ITLN2: variants seen among roughly 807,000 people sequenced by gnomAD.
ITLN2 encodes intelectin 2.
In ITLN2, 29 loss-of-function variants were observed where a neutral mutation model predicts 39.4. The observed-to-expected ratio is 0.74, with a 90% CI of 0.55 to 1.00. The LOEUF (loss-of-function observed/expected upper bound fraction) is 1.00, where lower values mean the gene tolerates loss of function less well. ITLN2 is among the 50% of genes least tolerant of loss of function. ITLN2 has a pLI of 0.00. For synonymous variants in ITLN2, 156 were observed against 153.4 expected, an observed-to-expected ratio of 1.02 and a Z score of -0.12; for missense variants, 412 against 416.7, an observed-to-expected ratio of 0.99 and a Z score of 0.10.
intron 7 of ITLN2, among the ~76,000 whole-genome samples, chr1:160,947,041 G>A (rs958649083): frequency 6.6e-6 from 1 of 152,156 alleles, no homozygotes; most frequent in Non-Finnish European, 1.5e-5. Flanking sequence ...GTATACGGAG[G>A]ACCTGCTCCG....
At position 160,950,077 on chromosome 1, in the gene ITLN2, C is replaced by A; in HGVS notation, c.690G>T (p.Lys230Asn). 1.2e-6 allele frequency: 2 copies of A among 1,613,960 alleles called. No individual in the cohort carries two copies. The highest frequency in any genetic ancestry group is 1.7e-6 in the Non-Finnish European group (2 of 1,179,852). Residue 230 changes from lysine (K) to asparagine (N), a missense_variant, in exon 6 of 8, where the codon AAG becomes AAT. Lys to Asn is a moderately conservative substitution (Grantham distance 94, BLOSUM62 0). Transcript: ENST00000368029. ...CATACGGTGAGTAATAAGATGCAGT[C>A]TTCTTAGCATCACCAAAGTCATAGA... ...PVVYDFGDAK[K>N]TASYYSPYGQ...
At position 160,950,664 on chromosome 1, in the gene ITLN2, A is replaced by G. The variant is rs926373965; in HGVS notation, c.489T>C (p.His163=). The change falls in exon 5 of 8, where the codon CAT becomes CAC. Residue 163 remains histidine, a synonymous_variant. Coordinates refer to ENST00000368029, the MANE Select transcript of ITLN2 (RefSeq NM_080878.3). The stretch of plus-strand genomic sequence containing the variant: ...GCTGCATGGGGGACTTGTTGGGCAC[A>G]TGCCAGATGCCCAGGTCCTTGGCCT... The part of the protein sequence containing the change: ...DIQAKDLGIW[H]VPNKSPMQHW... The G allele has an allele frequency of 6.2e-6, 10 of 1,614,066 alleles. No individual in the cohort carries two copies. The highest frequency in any genetic ancestry group is 1.3e-5 in the African/African-American group (1 of 74,942).
chr1:160,952,678 G>A lies in ITLN2; in HGVS notation c.135C>T (p.Ser45=). 6.2e-7 allele frequency: 1 copy of A among 1,614,170 alleles called. No individual in the cohort carries two copies. ...LSREFETCAF[S]FSSLPRSCKE... is the part of the protein sequence containing the mutation. ...TGCAGCTTCTAGGCAGGGAAGAAAA[G>A]GAGAAGGCACAGGTTTCGAATTCCC... Residue 45 remains serine, a synonymous_variant, in exon 3 of 8, where the codon TCC becomes TCT. Coordinates refer to ENST00000368029, the MANE Select transcript of ITLN2 (RefSeq NM_080878.3).
intron 2 of ITLN2, 77 bp from the exon 3 acceptor site, chr1:160,952,810 A>T: frequency 9.8e-7 from 1 of 1,022,254 alleles, no homozygotes. Flanking sequence ...CTGCCCCTGT[A>T]TCAACTCATC....
At chr1:160,953,940 T>C (rs931367797) in intron 2 of ITLN2, among the ~76,000 whole-genome samples, 1 of 152,174 alleles carries the variant, frequency 6.6e-6, no homozygotes, top group African/African-American at 2.4e-5. Context: ...AATATCACTA[T>C]TGTGCCTACT....
intron 3 of ITLN2, among the ~76,000 whole-genome samples, chr1:160,952,119 C>T (rs1671758936): frequency 6.6e-6 from 1 of 152,180 alleles, no homozygotes; most frequent in South Asian, 2.1e-4. Context: ...TTTTGCCGAT[C>T]TTGAACTTGC....
rs115886527 is a variant in ITLN2, at chr1:160,951,152, C to T, written c.332G>A (p.Arg111His). The change falls in exon 4 of 8, where the codon CGC (arginine) becomes CAC (histidine). Residue 111 changes from arginine (R) to histidine (H), a missense_variant. Transcript: ENST00000368029. ...TTTGTTGCCCTGCTGACTGGACCAG[C>T]GATCACCCACCGTGCACTTCCCACG... ...DMRGKCTVGD[R>H]WSSQQGNKAD... The T allele has an allele frequency of 3.8e-5, 62 of 1,614,168 alleles. No homozygotes were observed. The African/African-American group carries it at 4.7e-4, about 12-fold the overall frequency.
At position 160,945,164 on chromosome 1, in the gene ITLN2, C is replaced by A; in HGVS notation, c.954G>T (p.Ala318=). The part of the protein sequence containing the change: ...KSSCSREITE[A]AVLLFYR ...CTCATCTATAGAACAAGAGTACAGC[C>A]GCCTCCGTTATCTCCCGACTGCAGC... Residue 318 remains alanine (A), a synonymous_variant, in exon 8 of 8, where the codon GCG becomes GCT. Coordinates refer to ENST00000368029, the MANE Select transcript of ITLN2 (RefSeq NM_080878.3). 6.2e-7 allele frequency: 1 copy of A among 1,603,502 alleles called. No individual in the cohort carries two copies. The highest frequency in any genetic ancestry group is 8.5e-7 in the Non-Finnish European group (1 of 1,177,220).
At chr1:160,952,516 G>T in intron 3 of ITLN2, 104 bp downstream of exon 3, 1 of 770,834 alleles carries the variant, frequency 1.3e-6, no homozygotes, top group Non-Finnish European at 2.2e-6. Flanking sequence ...GCTGGGGGCA[G>T]AACAGGCTCC....
In ITLN2 at chr1:160,951,286, G is replaced by A. The variant is rs150123938; in HGVS notation, c.198C>T (p.Gly66=). The change falls in exon 4 of 8, where the codon GGC becomes GGT. Residue 66 remains glycine, a synonymous_variant. Coordinates refer to ENST00000368029, the MANE Select transcript of ITLN2 (RefSeq NM_080878.3). ...CATTCTTGGTGCGGAGAAAATACAGGCCATCTGTAGAGAGAACCAGCCCAG... is the reference window on the plus strand; with the variant it reads ...CATTCTTGGTGCGGAGAAAATACAGACCATCTGTAGAGAGAACCAGCCCAG... ...IKERCHSAGD[G]LYFLRTKNGV... 6.3e-5 allele frequency: 99 copies of A among 1,577,318 alleles called. No homozygotes were observed. In the Middle Eastern group the frequency reaches 1.0e-3, roughly 16 times the overall value.
In ITLN2 at chr1:160,952,719, G is replaced by A. The variant is rs1404972227; in HGVS notation, c.94C>T (p.Leu32Phe). ...TCGAATTCCCTCGAGAGCATCTCAA[G>A]AGAAGAGGCTGCTGCTAGAAAATGT... ...SGCSAAAASS[L>F]EMLSREFETC... Residue 32 changes from leucine (L) to phenylalanine (F), a missense_variant, in exon 3 of 8, where the codon CTT becomes TTT. By Grantham distance (22) the Leu-to-Phe change is conservative (BLOSUM62 0). Coordinates refer to ENST00000368029, the MANE Select transcript of ITLN2 (RefSeq NM_080878.3). 6.2e-7 allele frequency: 1 copy of A among 1,613,426 alleles called. No homozygotes were observed. The highest frequency in any genetic ancestry group is 2.2e-5 in the East Asian group (1 of 44,880).
chr1:160,950,197 G>A, intron 5 of ITLN2, 31 bp from the exon 6 acceptor site: 1 of 1,611,914 alleles, frequency 6.2e-7, no homozygotes, highest in South Asian at 1.1e-5. Flanking sequence ...GGTTTTGTGA[G>A]GACAGTAGAG....
At chr1:160,951,572 A>G in intron 3 of ITLN2, 1 of 341,698 alleles carries the variant, frequency 2.9e-6, no homozygotes, top group East Asian at 5.7e-5. Context: ...TGTGGCCAGG[A>G]GAGGCCAGAA....
intron 7 of ITLN2, among the ~76,000 whole-genome samples, chr1:160,946,934 G>A (rs567437971): frequency 6.6e-6 from 1 of 152,206 alleles, no homozygotes; most frequent in Non-Finnish European, 1.5e-5. Flanking sequence ...ACATCTGTGG[G>A]TATTTCTCGT....
intron 2 of ITLN2, among the ~76,000 whole-genome samples, chr1:160,953,222 G>GAGCCC (rs146401067): frequency 6.6e-6 from 1 of 152,110 alleles, no homozygotes; most frequent in East Asian, 1.9e-4. Context: ...AGCAATAACA[G>GAGCCC]AGCCCAGCCC....
Position 160,954,532 on chromosome 1 carries a change from G to A in ITLN2, c.16-82C>T, listed in dbSNP as rs1671820587. 25 of 1,313,816 alleles carry A rather than the reference G, an allele frequency of 1.9e-5. No individual in the cohort carries two copies. The South Asian group carries it at 2.9e-4, about 15-fold the overall frequency. 81.4% of individuals were successfully genotyped at this position (1,313,816 alleles called of 1,614,324 possible). A position where few individuals can be genotyped will look rare whatever the true frequency, so the allele number is the denominator to read the frequency against. ...CGTTCTTACTTCCTAACCTTTCTGA[G>A]TCAGGAATCCTCAAATGGAAAGTGA... On this transcript the variant is annotated intron_variant, in intron 1 of 7. Transcript: ENST00000368029.
Position 160,950,582 on chromosome 1 carries a change from G to A in ITLN2, c.571C>T (p.Leu191=), listed in dbSNP as rs12094026. Residue 191 remains leucine, a synonymous_variant, in exon 5 of 8, where the codon CTG becomes TTG. Transcript: ENST00000368029. The part of the protein sequence containing the change: ...YRTNTGFLQR[L]GHNLFGIYQK... The stretch of plus-strand genomic sequence containing the variant: ...TAGATGCCAAACAGATTATGTCCCA[G>A]TCTCTGGAGGAAGCCAGTGTTGGTG... 8,989 of 1,614,150 alleles carry A rather than the reference G, an allele frequency of 5.6e-3. 426 individuals carry two copies. The African/African-American group carries it at 0.1, about 19-fold the overall frequency.
intron 3 of ITLN2, among the ~76,000 whole-genome samples, chr1:160,951,817 A>ATGG: frequency 6.6e-6 from 1 of 152,192 alleles, no homozygotes; most frequent in Non-Finnish European, 1.5e-5. Context: ...GTCTTCCCCA[A>ATGG]ACATGGAAAG....
intron 3 of ITLN2, among the ~76,000 whole-genome samples, chr1:160,951,704 A>G (rs902351722): frequency 1.3e-5 from 2 of 152,158 alleles, no homozygotes; most frequent in Admixed American, 6.5e-5. Context: ...CCTGTTCACA[A>G]GCTTGCAGGA....
Sources: allele counts gnomAD v4.1 joint callset (sites outside exome capture counted in the v4.1 genomes callset), GRCh38; gene constraint gnomAD v4.1.1; transcripts MANE v1.5; gene names NCBI Gene and HGNC (gene_info 2026-07-23, HGNC 2026-07-21).